Variants in PEAK1 observed in about 807,000 individuals in gnomAD.
The protein encoded by PEAK1 is pseudopodium enriched atypical kinase 1, also known as inactive tyrosine-protein kinase PEAK1.
In PEAK1, 54 loss-of-function variants were observed where a neutral mutation model predicts 124.7. The observed-to-expected ratio is 0.43, with a 90% confidence interval of 0.35 to 0.54. The LOEUF (loss-of-function observed/expected upper bound fraction) is 0.54, where lower values mean the gene tolerates loss of function less well. PEAK1 is among the 20% of genes least tolerant of loss of function. The pLI is 0.01. For synonymous variants in PEAK1, 719 were observed against 760.0 expected, an observed-to-expected ratio of 0.95 and a Z score of 0.89; for missense variants, 2,046 against 2,134.5, an observed-to-expected ratio of 0.96 and a Z score of 0.82.
intron 2 of PEAK1, among the ~76,000 whole-genome samples, chr15:77,321,015 C>T (rs189092574): frequency 7.6e-4 from 115 of 152,262 alleles, no homozygotes; most frequent in Non-Finnish European, 1.2e-3. Flanking sequence ...CTGCATAATA[C>T]TCCATGGTGT....
intron 5 of PEAK1, chr15:77,255,320 C>G: frequency 1.1e-6 from 1 of 907,046 alleles, no homozygotes; most frequent in Non-Finnish European, 1.3e-6. Flanking sequence ...ATTTTACTAA[C>G]AATGGAAATT....
At chr15:77,218,959 G>A (rs1280539713) in intron 6 of PEAK1, among the ~76,000 whole-genome samples, 1 of 152,034 alleles carries the variant, frequency 6.6e-6, no homozygotes, top group Admixed American at 6.6e-5. Flanking sequence ...GAAATCATAT[G>A]AACAGTGAGA....
At chr15:77,285,886 T>C (rs538030699) in intron 3 of PEAK1, among the ~76,000 whole-genome samples, 12 of 152,254 alleles carry the variant, frequency 7.9e-5, no homozygotes, top group African/African-American at 2.9e-4. Context: ...TTATTTCTTG[T>C]CTTCTGCTAG....
intron 2 of PEAK1, among the ~76,000 whole-genome samples, chr15:77,302,347 T>C (rs774278358): frequency 1.6e-4 from 25 of 152,338 alleles, no homozygotes; most frequent in African/African-American, 4.8e-4. Flanking sequence ...TACATTAAGC[T>C]AAATGAGTTC....
downstream of PEAK1, chr15:77,105,317 GGTGT>G (rs67540842): frequency 0.023 from 3,380 of 145,114 alleles, 48 homozygotes; most frequent in East Asian, 0.054. Flanking sequence ...GCCATTAGTT[GGTGT>G]GTGTGTGTGT....
At chr15:77,194,170 G>A (rs765155467) in intron 6 of PEAK1, among the ~76,000 whole-genome samples, 9 of 152,064 alleles carry the variant, frequency 5.9e-5, no homozygotes, top group Non-Finnish European at 1.2e-4. Context: ...TCCTTCTCAT[G>A]CTATATCCAA....
At chr15:77,372,138 T>C (rs1384369294) in intron 1 of PEAK1, among the ~76,000 whole-genome samples, 1 of 152,200 alleles carries the variant, frequency 6.6e-6, no homozygotes, top group Non-Finnish European at 1.5e-5. Flanking sequence ...AGATATCCAA[T>C]AGATGTGTTC....
intron 5 of PEAK1, among the ~76,000 whole-genome samples, chr15:77,256,120 G>C (rs1231778133): frequency 6.6e-6 from 1 of 151,936 alleles, no homozygotes; most frequent in African/African-American, 2.4e-5. Context: ...ACTAAATTCA[G>C]GATAAAGAAC....
chr15:77,414,207 CTTTTTT>C (rs71145827), intron 1 of PEAK1, among the ~76,000 whole-genome samples: 1 of 67,922 alleles, frequency 1.5e-5, no homozygotes, highest in Non-Finnish European at 3.6e-5. Context: ...TTCTTTCCTT[CTTTTTT>C]TTTTTTTTTT....
intron 2 of PEAK1, chr15:77,346,932 A>C (rs1257937665): frequency 3.4e-6 from 1 of 291,406 alleles, no homozygotes; most frequent in Non-Finnish European, 5.1e-6. Flanking sequence ...GAGGAAAACA[A>C]AACGCAGCCA....
downstream of PEAK1, chr15:77,105,358 G>GCA (rs1491146707): frequency 9.9e-5 from 8 of 80,542 alleles, no homozygotes; most frequent in Non-Finnish European, 2.1e-4. Context: ...GTGTGTGTGT[G>GCA]CGCGCGTGCG....
chr15:77,247,740 C>G (rs952366486), intron 6 of PEAK1, among the ~76,000 whole-genome samples: 6 of 151,892 alleles, frequency 4.0e-5, no homozygotes, highest in African/African-American at 1.5e-4. Flanking sequence ...CCTGTCTTAG[C>G]CTCCCATTCA....
intron 2 of PEAK1, among the ~76,000 whole-genome samples, chr15:77,315,475 T>C (rs569001868): frequency 3.3e-5 from 5 of 152,266 alleles, no homozygotes; most frequent in African/African-American, 1.2e-4. Flanking sequence ...GTAAAAATAT[T>C]GGAATATTTA....
chr15:77,211,420 C>A (rs2058898911), intron 6 of PEAK1, among the ~76,000 whole-genome samples: 1 of 152,056 alleles, frequency 6.6e-6, no homozygotes, highest in South Asian at 2.1e-4. Context: ...GGTTCTACGG[C>A]TCCACTAAGA....
chr15:77,327,850 T>C (rs2065670641), intron 2 of PEAK1, among the ~76,000 whole-genome samples: 1 of 152,070 alleles, frequency 6.6e-6, no homozygotes, highest in Admixed American at 6.6e-5. Flanking sequence ...GATACTCACA[T>C]TTTGAAGATT....
At chr15:77,365,290 T>C (rs1052221139) in intron 1 of PEAK1, 65 bp from the exon 2 acceptor site, 18 of 666,086 alleles carry the variant, frequency 2.7e-5, no homozygotes, top group Non-Finnish European at 3.2e-5. Flanking sequence ...TATGGAAATT[T>C]AATTATTTCA....
intron 1 of PEAK1, chr15:77,404,321 T>G (rs1263089257): frequency 1.0e-6 from 1 of 985,262 alleles, no homozygotes; most frequent in Non-Finnish European, 1.2e-6. Flanking sequence ...GGAAATTCCA[T>G]GTTCTAGGAC....
intron 7 of PEAK1, among the ~76,000 whole-genome samples, chr15:77,167,453 A>G (rs2056181919): frequency 6.6e-6 from 1 of 152,234 alleles, no homozygotes. Flanking sequence ...CTAAAACATG[A>G]TTATTTAAAA....
intron 1 of PEAK1, among the ~76,000 whole-genome samples, chr15:77,367,406 A>C (rs2068326835): frequency 6.6e-6 from 1 of 152,216 alleles, no homozygotes; most frequent in Non-Finnish European, 1.5e-5. Context: ...AAAGGGGCTT[A>C]AGAGAAGCTT....
Sources: allele counts gnomAD v4.1 joint callset (sites outside exome capture counted in the v4.1 genomes callset), GRCh38; gene constraint gnomAD v4.1.1; transcripts MANE v1.5; gene names NCBI Gene and HGNC (gene_info 2026-07-23, HGNC 2026-07-21).